Variants in CBR4 observed in about 807,000 individuals in gnomAD.
CBR4 encodes the protein carbonyl reductase 4.
A neutral mutation model predicts 21.0 loss-of-function variants in CBR4; 22 were observed. That is an observed-to-expected ratio of 1.05 (90% CI 0.75 to 1.50). The LOEUF (loss-of-function observed/expected upper bound fraction) is 1.50. Among genes scored for constraint, CBR4 ranks in the 40% most tolerant of loss-of-function variants. The pLI is 0.00. For missense variants in CBR4, 302 were observed against 286.3 expected, an observed-to-expected ratio of 1.05 and a Z score of -0.40; for synonymous variants, 100 against 104.4, an observed-to-expected ratio of 0.96 and a Z score of 0.26.
chr4:169,005,289 G>C (rs1475566375), intron 3 of CBR4: 2 of 152,184 alleles, frequency 1.3e-5, no homozygotes, highest in Non-Finnish European at 2.9e-5. Context: ...CCTATTAACA[G>C]TAGTGTCACT....
intron 2 of CBR4, among the ~76,000 whole-genome samples, chr4:168,955,685 T>A (rs2126712924): frequency 6.6e-6 from 1 of 152,264 alleles, no homozygotes; most frequent in Non-Finnish European, 1.5e-5. Context: ...AGCCCCAACC[T>A]GCCCCAACTA....
At chr4:168,926,410 A>G (rs1000944186) in intron 2 of CBR4, 1 of 1,511,274 alleles carries the variant, frequency 6.6e-7, no homozygotes, top group Non-Finnish European at 8.9e-7. Context: ...TAAAGCTGAA[A>G]CACTGAAACA....
At chr4:168,908,271 C>G (rs1461819698) in intron 2 of CBR4, among the ~76,000 whole-genome samples, 2 of 152,108 alleles carry the variant, frequency 1.3e-5, no homozygotes, top group Non-Finnish European at 2.9e-5. Context: ...CTTCACTATC[C>G]ATTAGCAAAA....
chr4:168,913,149 T>C (rs912881668), intron 2 of CBR4, among the ~76,000 whole-genome samples: 5 of 151,074 alleles, frequency 3.3e-5, no homozygotes, highest in African/African-American at 1.2e-4. Context: ...TTTTTTTTTT[T>C]TTTTTGAGAC....
At chr4:168,905,108 C>T (rs1455902514) in intron 2 of CBR4, among the ~76,000 whole-genome samples, 3 of 148,422 alleles carry the variant, frequency 2.0e-5, no homozygotes, top group African/African-American at 7.5e-5. Context: ...GCCTGGTTGA[C>T]AGAGTGAGAC....
intron 2 of CBR4, among the ~76,000 whole-genome samples, chr4:168,949,008 AT>A (rs1417211016): frequency 1.3e-5 from 2 of 152,010 alleles, no homozygotes; most frequent in African/African-American, 4.8e-5. Context: ...CATGGGATGT[AT>A]TTCCATTTGT....
rs1764778969 is a variant in CBR4 at position 168,988,678 on chromosome 4, T to C, written c.*1472A>G. ...GTATATTACCACGTCTTGCATTTAA[T>C]AGACAATTTGTTTAATGATACTAAC... On this transcript the variant is annotated 3_prime_UTR_variant, in exon 5 of 5. Coordinates refer to ENST00000306193, the MANE Select transcript of CBR4 (RefSeq NM_032783.5). 3 of 982,180 alleles carry C rather than the reference T, an allele frequency of 3.1e-6. No homozygotes were observed. Among genetic ancestry groups the C allele is most frequent in the Non-Finnish European group, 3.6e-6 (3 of 827,050 alleles). The allele number at this position is 982,180 out of a possible 1,614,324, so 60.8% of individuals were successfully genotyped here.
intron 2 of CBR4, among the ~76,000 whole-genome samples, chr4:168,945,050 T>C (rs952228962): frequency 1.3e-5 from 2 of 152,204 alleles, no homozygotes; most frequent in Admixed American, 6.5e-5. Flanking sequence ...TTTCACTAAA[T>C]TCCTTCTTTT....
At chr4:168,924,687 T>G (rs1419366914) in intron 2 of CBR4, among the ~76,000 whole-genome samples, 1 of 152,206 alleles carries the variant, frequency 6.6e-6, no homozygotes, top group East Asian at 1.9e-4. Context: ...TTTGCTTTAG[T>G]GATAAAAGAC....
intron 4 of CBR4, among the ~76,000 whole-genome samples, chr4:168,993,909 C>T (rs912030663): frequency 6.6e-6 from 1 of 152,132 alleles, no homozygotes; most frequent in African/African-American, 2.4e-5. Flanking sequence ...GATTAGGACA[C>T]ATTAAACTAG....
intron 4 of CBR4, among the ~76,000 whole-genome samples, chr4:168,999,295 C>G (rs1730207733): frequency 6.6e-6 from 1 of 152,076 alleles, no homozygotes; most frequent in East Asian, 1.9e-4. Context: ...TAAAAGGACA[C>G]ATATTTGTTA....
chr4:168,957,148 T>C (rs891249353), intron 2 of CBR4, among the ~76,000 whole-genome samples: 2 of 152,182 alleles, frequency 1.3e-5, no homozygotes, highest in South Asian at 4.1e-4. Context: ...CTCTTCAGAA[T>C]ATATTCTGAA....
intron 2 of CBR4, chr4:168,925,207 TG>T: frequency 7.1e-7 from 1 of 1,402,540 alleles, no homozygotes. Flanking sequence ...AAATTCATAT[TG>T]CTCTCTCTCT....
chr4:168,926,065 A>C (rs1762530423), intron 2 of CBR4: 1 of 625,774 alleles, frequency 1.6e-6, no homozygotes, highest in Non-Finnish European at 2.6e-6. Context: ...AGTAAAATGC[A>C]AAAGTGTTCC....
chr4:169,004,043 T>C (rs550682003), intron 3 of CBR4, among the ~76,000 whole-genome samples: 4 of 152,116 alleles, frequency 2.6e-5, no homozygotes, highest in Non-Finnish European at 5.9e-5. Context: ...CATGTATACA[T>C]ATGTAACTAA....
Position 168,990,196 on chromosome 4 carries a change from G to A in CBR4, c.668C>T (p.Thr223Ile), listed in dbSNP as rs748222578. 4 of 1,612,810 alleles carry A rather than the reference G, an allele frequency of 2.5e-6. No homozygotes were observed. Among genetic ancestry groups the A allele is most frequent in the Non-Finnish European group, 3.4e-6 (4 of 1,179,354 alleles). The change falls in exon 5 of 5, where the codon ACA (threonine) becomes ATA (isoleucine). Residue 223 changes from threonine (T) to isoleucine (I), a missense_variant. Thr to Ile is a moderately conservative substitution (Grantham distance 89). Transcript: ENST00000306193. ...VVFLLESPYI[T>I]GHVLVVDGGL... The stretch of plus-strand genomic sequence containing the variant: ...CCCATCCACTACCAGAACATGCCCT[G>A]TAATATACGGTGATTCTAAAAGAAA...
chr4:169,005,973 T>C (rs1205903066), intron 3 of CBR4: 27 of 1,103,552 alleles, frequency 2.4e-5, no homozygotes, highest in Middle Eastern at 6.2e-4. Context: ...ATTTCCAAAT[T>C]ACCAAACTGA....
Position 169,002,088 on chromosome 4 carries a change from ACTCT to A in CBR4, c.514_517del (p.Arg172Ter), listed in dbSNP as rs779560428. The A allele has an allele frequency of 6.3e-6, 10 of 1,584,608 alleles. No individual in the cohort carries two copies. The highest frequency in any genetic ancestry group is 8.6e-6 in the Non-Finnish European group (10 of 1,169,022). ...TCACTAACCTGGTGCAACTACATTC[ACTCT>A]AATTTTCTTTCTTGCTACCTCTTTA... is the stretch of plus-strand genomic sequence containing the variant. On this transcript the variant is annotated frameshift_variant, in exon 4 of 5. Transcript: ENST00000306193. LOFTEE classifies it high-confidence loss of function.
At chr4:168,937,696 A>G (rs1763152021) in intron 2 of CBR4, among the ~76,000 whole-genome samples, 1 of 152,228 alleles carries the variant, frequency 6.6e-6, no homozygotes, top group African/African-American at 2.4e-5. Flanking sequence ...TAAACCAACA[A>G]AGATCAAAAG....
Sources: allele counts gnomAD v4.1 joint callset (sites outside exome capture counted in the v4.1 genomes callset), GRCh38; gene constraint gnomAD v4.1.1; transcripts MANE v1.5; gene names NCBI Gene and HGNC (gene_info 2026-07-23, HGNC 2026-07-21).